APPBP2: variants seen among roughly 807,000 people sequenced by gnomAD.
The protein encoded by APPBP2 is amyloid beta precursor protein binding protein 2, also known as amyloid protein-binding protein 2.
Under a neutral mutation model 76.0 loss-of-function variants are expected in APPBP2, and 15 were observed. The observed-to-expected ratio is 0.20, with a 90% confidence interval of 0.13 to 0.30. APPBP2 has a LOEUF of 0.30. APPBP2 is among the 10% of genes least tolerant of loss of function. The probability of loss-of-function intolerance (pLI) is 1.00; values close to 1 mark genes in which losing one functional copy is unlikely to be tolerated. For synonymous variants in APPBP2, 222 were observed against 242.2 expected (o/e 0.92, Z 0.77); for missense variants, 401 against 687.2 (o/e 0.58, Z 4.66).
chr17:60,517,335 T>C (rs1252904570), intron 1 of APPBP2, among the ~76,000 whole-genome samples: 2 of 152,172 alleles, frequency 1.3e-5, no homozygotes, highest in East Asian at 1.9e-4. Context: ...CTTTGTCAGA[T>C]ACAGGTGCTG....
At chr17:60,507,382 C>T (rs1369396176) in intron 1 of APPBP2, among the ~76,000 whole-genome samples, 2 of 152,132 alleles carry the variant, frequency 1.3e-5, no homozygotes, top group South Asian at 2.1e-4. Flanking sequence ...CCACCATGCC[C>T]GGCTAATTTT....
chr17:60,474,203 G>A (rs572857866), intron 4 of APPBP2, among the ~76,000 whole-genome samples: 20 of 140,340 alleles, frequency 1.4e-4, no homozygotes, highest in Admixed American at 1.3e-3. Context: ...ACAGAGTTTT[G>A]CTCGTCGCCC....
chr17:60,506,811 G>A (rs1419345199), intron 1 of APPBP2, among the ~76,000 whole-genome samples: 4 of 152,206 alleles, frequency 2.6e-5, no homozygotes, highest in African/African-American at 9.7e-5. Context: ...GCCGAGGCGG[G>A]CAGATCACGA....
Position 60,462,028 on chromosome 17 carries a change from C to T in APPBP2, c.796G>A (p.Glu266Lys). ...TACACTGCATGTTTAATTAACTGTT[C>T]TGCCTTCTTAAATTCACGTTTTACT... is the stretch of plus-strand genomic sequence containing the variant. Reference protein sequence around the residue: ...CVVKREFKKAEQLIKHAVYLA... With the variant: ...CVVKREFKKAKQLIKHAVYLA... The change falls in exon 7 of 13, where the codon GAA (glutamate) becomes AAA (lysine). Residue 266 changes from glutamate to lysine, a missense_variant. Glu to Lys is a moderately conservative substitution (Grantham distance 56). Transcript: ENST00000083182. 1 of 1,613,580 alleles carries T rather than the reference C, an allele frequency of 6.2e-7. No individual in the cohort carries two copies. The highest frequency in any genetic ancestry group is 2.2e-5 in the East Asian group (1 of 44,760).
chr17:60,491,794 G>A (rs946388071), intron 3 of APPBP2, among the ~76,000 whole-genome samples: 8 of 152,164 alleles, frequency 5.3e-5, no homozygotes, highest in African/African-American at 1.9e-4. Flanking sequence ...TGGAAAATTT[G>A]CAGCCTCAGG....
At chr17:60,452,147 A>G in intron 11 of APPBP2, 102 bp from the exon 12 acceptor site, 4 of 1,163,964 alleles carry the variant, frequency 3.4e-6, no homozygotes, top group Non-Finnish European at 5.0e-6. Flanking sequence ...CATCTTATGA[A>G]TGCCATAAGG....
intron 1 of APPBP2, among the ~76,000 whole-genome samples, chr17:60,524,610 G>GAAAAAAAAA (rs35185909): frequency 6.0e-5 from 3 of 49,934 alleles, no homozygotes; most frequent in African/African-American, 1.4e-4. Context: ...TGCTAATTCT[G>GAAAAAAAAA]AAAAAAAAAA....
chr17:60,478,518 G>A (rs1227016454), intron 4 of APPBP2, among the ~76,000 whole-genome samples: 3 of 152,208 alleles, frequency 2.0e-5, no homozygotes, highest in Non-Finnish European at 2.9e-5. Context: ...CATTTCTGGA[G>A]TTTCCGAGCA....
intron 10 of APPBP2, among the ~76,000 whole-genome samples, chr17:60,455,809 G>A (rs1598347058): frequency 7.6e-6 from 1 of 131,854 alleles, no homozygotes; most frequent in East Asian, 1.9e-4. Context: ...ACAGAGTCTC[G>A]TTCTGTTGCC....
intron 5 of APPBP2, chr17:60,464,672 G>GT (rs1452220958): frequency 6.6e-6 from 1 of 152,370 alleles, no homozygotes; most frequent in Non-Finnish European, 1.5e-5. Flanking sequence ...TAATGTGCTA[G>GT]TATCTAGGTA....
At chr17:60,462,899 C>T (rs549741262) in intron 6 of APPBP2, among the ~76,000 whole-genome samples, 1 of 145,006 alleles carries the variant, frequency 6.9e-6, no homozygotes, top group African/African-American at 2.6e-5. Flanking sequence ...TGCAGTGACC[C>T]GAGATCGCGC....
intron 4 of APPBP2, among the ~76,000 whole-genome samples, chr17:60,474,527 T>C (rs1170807146): frequency 6.6e-6 from 1 of 152,172 alleles, no homozygotes; most frequent in Non-Finnish European, 1.5e-5. Flanking sequence ...TAAAGCTTCC[T>C]GACATCAGCA....
chr17:60,521,156 T>C (rs533440322), intron 1 of APPBP2, among the ~76,000 whole-genome samples: 2 of 152,258 alleles, frequency 1.3e-5, no homozygotes, highest in African/African-American at 4.8e-5. Context: ...TGCACGCCCT[T>C]GGAGAGAAAA....
intron 1 of APPBP2, among the ~76,000 whole-genome samples, chr17:60,518,503 C>T (rs572707491): frequency 1.3e-3 from 181 of 134,214 alleles, no homozygotes; most frequent in Non-Finnish European, 1.9e-3. Flanking sequence ...CATGCCCAGC[C>T]GTGTGTGTGT....
At chr17:60,473,545 G>C (rs1352362796) in intron 4 of APPBP2, among the ~76,000 whole-genome samples, 1 of 152,092 alleles carries the variant, frequency 6.6e-6, no homozygotes, top group African/African-American at 2.4e-5. Flanking sequence ...GCCAGGTGTG[G>C]TGGTCATGCC....
At chr17:60,487,021 C>A (rs1252566623) in intron 3 of APPBP2, among the ~76,000 whole-genome samples, 1 of 152,082 alleles carries the variant, frequency 6.6e-6, no homozygotes, top group African/African-American at 2.4e-5. Context: ...GAATATTGGC[C>A]CCCACTCTCT....
At chr17:60,475,202 C>G (rs1031544828) in intron 4 of APPBP2, among the ~76,000 whole-genome samples, 2 of 152,106 alleles carry the variant, frequency 1.3e-5, no homozygotes, top group Non-Finnish European at 2.9e-5. Context: ...TGCACTCCAG[C>G]CTGGGCGACA....
intron 3 of APPBP2, among the ~76,000 whole-genome samples, chr17:60,489,967 G>A (rs1461345934): frequency 3.3e-5 from 5 of 152,188 alleles, no homozygotes; most frequent in South Asian, 2.1e-4. Context: ...CACAAGAGGC[G>A]GAAGTTGCAG....
intron 1 of APPBP2, among the ~76,000 whole-genome samples, chr17:60,512,618 C>T (rs373758408): frequency 2.0e-5 from 3 of 150,892 alleles, no homozygotes; most frequent in African/African-American, 7.3e-5. Flanking sequence ...GGGAGGATCA[C>T]GAGGTCAGAA....
Sources: allele counts gnomAD v4.1 joint callset (sites outside exome capture counted in the v4.1 genomes callset), GRCh38; gene constraint gnomAD v4.1.1; transcripts MANE v1.5; gene names NCBI Gene and HGNC (gene_info 2026-07-23, HGNC 2026-07-21).